ATP10B: variants seen among roughly 807,000 people sequenced by gnomAD.
ATP10B encodes ATPase phospholipid transporting 10B (putative).
ATP10B carries 122 observed loss-of-function variants against 141.2 expected under a neutral mutation model. That is an observed-to-expected ratio of 0.86 (90% CI 0.75 to 1.00). The LOEUF is 1.00. ATP10B is among the 50% of genes least tolerant of loss of function. The probability of loss-of-function intolerance (pLI) is 0.00; values close to 1 mark genes in which losing one functional copy is unlikely to be tolerated. For synonymous variants in ATP10B, 685 were observed against 692.0 expected (o/e 0.99, Z 0.16); for missense variants, 1,876 against 1,825.3 (o/e 1.03, Z -0.51).
intron 1 of ATP10B, among the ~76,000 whole-genome samples, chr5:160,813,714 C>T (rs1199911451): frequency 6.6e-6 from 1 of 152,174 alleles, no homozygotes; most frequent in East Asian, 1.9e-4. Flanking sequence ...CCTGAGTAGC[C>T]TAACTTGGAA....
intron 18 of ATP10B, 103 bp downstream of exon 18, chr5:160,612,638 T>C (rs1224450594): frequency 9.6e-7 from 1 of 1,036,456 alleles, no homozygotes; most frequent in Non-Finnish European, 1.4e-6. Flanking sequence ...GTTGGGTGCT[T>C]CCCTGGTGTA....
At chr5:160,755,825 AAAAAAAAAAAAAAATATAT>A (rs1768509973) in intron 2 of ATP10B, among the ~76,000 whole-genome samples, 1 of 67,674 alleles carries the variant, frequency 1.5e-5, no homozygotes, top group South Asian at 4.6e-4. Context: ...AAAAAAAAAA[AAAAAAAAAAAAAAATATAT>A]ATATATATAT....
At chr5:160,688,725 T>A in intron 4 of ATP10B, 35 bp downstream of exon 4, 1 of 978,448 alleles carries the variant, frequency 1.0e-6, no homozygotes, top group East Asian at 1.1e-4. Context: ...GGCGCTAACA[T>A]TTTCTGATTC....
intron 1 of ATP10B, among the ~76,000 whole-genome samples, chr5:160,810,619 A>C (rs544220569): frequency 1.3e-5 from 2 of 152,304 alleles, no homozygotes; most frequent in East Asian, 3.9e-4. Context: ...TAAATGCTTA[A>C]ATTTTCATAT....
At chr5:160,595,603 G>T (rs187529768) in intron 22 of ATP10B, among the ~76,000 whole-genome samples, 1 of 152,186 alleles carries the variant, frequency 6.6e-6, no homozygotes, top group Non-Finnish European at 1.5e-5. Flanking sequence ...GAATCCAGGA[G>T]CTGGTTTTTT....
At chr5:160,641,254 T>C (rs1219097957) in intron 9 of ATP10B, among the ~76,000 whole-genome samples, 1 of 152,152 alleles carries the variant, frequency 6.6e-6, no homozygotes, top group Non-Finnish European at 1.5e-5. Context: ...TGGGGAACTG[T>C]ATATGCAAAA....
chr5:160,598,992 TTG>T, intron 21 of ATP10B, 22 bp from the exon 22 acceptor site: 17 of 1,611,928 alleles, frequency 1.1e-5, no homozygotes, highest in Non-Finnish European at 1.4e-5. Flanking sequence ...GAGCATGGCC[TTG>T]TGAGTGGGGC....
At position 160,617,847 on chromosome 5, in the gene ATP10B, G is replaced by A; in HGVS notation, c.2526+17C>T. ...ATTTAATGATATTCAAAGCACGCTT[G>A]GAGGAATTGTTCTTACCTTCTTGGC... On this transcript the variant is annotated intron_variant, in intron 16 of 25. Coordinates refer to ENST00000327245, the MANE Select transcript of ATP10B (RefSeq NM_025153.3). 1.3e-6 allele frequency: 2 copies of A among 1,595,666 alleles called. No homozygotes were observed. Among genetic ancestry groups the A allele is most frequent in the Non-Finnish European group, 1.7e-6 (2 of 1,163,240 alleles).
At chr5:160,878,399 C>T in the ATP10B span, among the ~76,000 whole-genome samples, 8 of 151,894 alleles carry the variant, frequency 5.3e-5, no homozygotes, top group South Asian at 8.3e-4. Context: ...GGATTAAAGA[C>T]TTAAACGTTA....
chr5:160,841,130 T>G (rs1775784695), intron 1 of ATP10B, among the ~76,000 whole-genome samples: 1 of 152,182 alleles, frequency 6.6e-6, no homozygotes, highest in African/African-American at 2.4e-5. Flanking sequence ...ATGAGGCTAC[T>G]CATTAAAGTA....
intron 7 of ATP10B, among the ~76,000 whole-genome samples, chr5:160,656,472 G>T (rs1761499759): frequency 6.6e-6 from 1 of 152,160 alleles, no homozygotes; most frequent in African/African-American, 2.4e-5. Context: ...ACTGCATCTT[G>T]TCTACAAATC....
chr5:160,884,668 G>A, the ATP10B span, among the ~76,000 whole-genome samples: 1 of 151,692 alleles, frequency 6.6e-6, no homozygotes, highest in African/African-American at 2.4e-5. Flanking sequence ...TTTTCATTAT[G>A]GCAATTGATA....
chr5:160,675,927 A>G (rs1462644274), intron 6 of ATP10B, among the ~76,000 whole-genome samples: 16 of 150,884 alleles, frequency 1.1e-4, no homozygotes, highest in Admixed American at 9.8e-4. Flanking sequence ...TGGAGGACAC[A>G]TGTGATATTT....
upstream of ATP10B, among the ~76,000 whole-genome samples, chr5:160,852,904 A>G (rs1413765205): frequency 1.6e-5 from 1 of 64,346 alleles, no homozygotes; most frequent in Non-Finnish European, 4.7e-5. Flanking sequence ...TTTTAAGGGT[A>G]GTAAAAAAAA....
chr5:160,926,014 C>T, the ATP10B span, among the ~76,000 whole-genome samples: 1 of 152,322 alleles, frequency 6.6e-6, no homozygotes, highest in South Asian at 2.1e-4. Context: ...AGGCATTGCA[C>T]CTGGTGGATG....
chr5:160,776,408 G>A (rs1454446342), intron 2 of ATP10B, among the ~76,000 whole-genome samples: 1 of 152,228 alleles, frequency 6.6e-6, no homozygotes, highest in Non-Finnish European at 1.5e-5. Context: ...CTGGTACTGT[G>A]TGCTTACTAT....
At chr5:160,642,582 C>T (rs1581249908) in intron 9 of ATP10B, among the ~76,000 whole-genome samples, 1 of 152,112 alleles carries the variant, frequency 6.6e-6, no homozygotes, top group African/African-American at 2.4e-5. Context: ...GCTAAATACC[C>T]TACAGGACAG....
chr5:160,708,350 G>C (rs1765144110), intron 3 of ATP10B, among the ~76,000 whole-genome samples: 1 of 152,094 alleles, frequency 6.6e-6, no homozygotes, highest in Non-Finnish European at 1.5e-5. Context: ...ACTTTATTCT[G>C]TCCTTTCATG....
At chr5:160,653,568 CATATACATATATACAT>C (rs1193180455) in intron 7 of ATP10B, among the ~76,000 whole-genome samples, 31 of 72,130 alleles carry the variant, frequency 4.3e-4, no homozygotes, top group Non-Finnish European at 7.0e-4. Context: ...ATATATATTA[CATATACATATATACAT>C]ATATACATAT....
Sources: gnomAD v4.1 joint callset for allele counts (sites outside exome capture counted in the v4.1 genomes callset) on GRCh38, gnomAD v4.1.1 for gene constraint, MANE v1.5 for transcripts, NCBI Gene and HGNC (gene_info 2026-07-23, HGNC 2026-07-21) for gene names.